Variants in DIAPH3 observed in about 807,000 individuals in gnomAD.
DIAPH3 encodes the protein diaphanous related formin 3.
DIAPH3 carries 117 observed loss-of-function variants against 144.3 expected under a neutral mutation model. The ratio of observed to expected loss-of-function variants is 0.81; its 90% CI spans 0.70 to 0.95. The LOEUF (loss-of-function observed/expected upper bound fraction) is 0.95. Ranked by LOEUF, DIAPH3 falls within the 40% of genes least tolerant of loss-of-function variation. The pLI is 0.00. For synonymous variants in DIAPH3, 519 were observed against 488.9 expected (o/e 1.06, Z -0.81); for missense variants, 1,421 against 1,412.7 (o/e 1.01, Z -0.09).
chr13:59,911,739 A>G lies in DIAPH3; in HGVS notation c.2363T>C (p.Val788Ala). 9 of 1,613,046 alleles carry G rather than the reference A, an allele frequency of 5.6e-6. No homozygotes were observed. Among genetic ancestry groups the G allele is most frequent in the Non-Finnish European group, 7.6e-6 (9 of 1,179,152 alleles). Reference sequence around the variant, plus strand: ...TCTCTGAGACTCGGTACTTACCACAACCACAAACTGCTCAGGTTCACATAA... The same window carrying G: ...TCTCTGAGACTCGGTACTTACCACAGCCACAAACTGCTCAGGTTCACATAA... ...SNLCEPEQFV[V>A]VMSNVKRLRP... Residue 788 changes from valine to alanine, a missense_variant, in exon 20 of 28, where the codon GTT (valine) becomes GCT (alanine). Transcript: ENST00000400324.
intron 11 of DIAPH3, among the ~76,000 whole-genome samples, chr13:59,991,539 T>G (rs1299986730): frequency 6.6e-6 from 1 of 151,940 alleles, no homozygotes; most frequent in Non-Finnish European, 1.5e-5. Flanking sequence ...ACAAAGGTAG[T>G]AGGGAAGCTG....
chr13:59,708,960 G>GT (rs2034577294), intron 27 of DIAPH3, among the ~76,000 whole-genome samples: 1 of 151,944 alleles, frequency 6.6e-6, no homozygotes, highest in South Asian at 2.1e-4. Context: ...CAGGTATCAG[G>GT]ACTATAAAGA....
intron 27 of DIAPH3, among the ~76,000 whole-genome samples, chr13:59,686,439 C>T (rs2033216433): frequency 6.6e-6 from 1 of 151,330 alleles, no homozygotes; most frequent in Non-Finnish European, 1.5e-5. Flanking sequence ...AAATTCGGCT[C>T]ACAGGTGACT....
chr13:59,674,405 C>G (rs1490422305), intron 27 of DIAPH3, among the ~76,000 whole-genome samples: 2 of 152,150 alleles, frequency 1.3e-5, no homozygotes, highest in African/African-American at 4.8e-5. Flanking sequence ...TCCTGGTTAA[C>G]ATGCTCTATC....
intron 12 of DIAPH3, among the ~76,000 whole-genome samples, chr13:59,984,436 T>A (rs977067711): frequency 6.6e-6 from 1 of 151,722 alleles, no homozygotes; most frequent in African/African-American, 2.4e-5. Flanking sequence ...ATAATATTTG[T>A]CCAAAAATCG....
rs1851215790 is a variant in DIAPH3, at chr13:59,861,402, C to A, written c.2737+5G>T. The A allele has an allele frequency of 1.2e-6, 2 of 1,613,534 alleles. No homozygotes were observed. The highest frequency in any genetic ancestry group is 1.7e-5 in the Admixed American group (1 of 59,988). On this transcript the variant is annotated splice_donor_5th_base_variant and intron_variant, in intron 22 of 27. Transcript: ENST00000400324. ...CCATGAAATGTTTCTTAAAAAGGCA[C>A]AAACCTTTACTAGCTTTGTCTAAAG...
chr13:59,870,643 T>C (rs1437404974), intron 21 of DIAPH3, among the ~76,000 whole-genome samples: 1 of 150,358 alleles, frequency 6.7e-6, no homozygotes, highest in Non-Finnish European at 1.5e-5. Flanking sequence ...TCTTCTTTGA[T>C]TTTTTTCAAA....
At chr13:60,144,659 T>C (rs1027403879) in intron 1 of DIAPH3, 2 of 152,228 alleles carry the variant, frequency 1.3e-5, no homozygotes, top group African/African-American at 2.4e-5. Context: ...AGGACATGTA[T>C]GTCTATCTGG....
intron 27 of DIAPH3, among the ~76,000 whole-genome samples, chr13:59,707,324 G>C (rs1566202260): frequency 6.6e-6 from 1 of 152,154 alleles, no homozygotes. Context: ...ATTAAATGTA[G>C]TACGCTGGCA....
chr13:60,032,349 C>A (rs868286948), intron 5 of DIAPH3, among the ~76,000 whole-genome samples: 29 of 152,224 alleles, frequency 1.9e-4, no homozygotes, highest in African/African-American at 7.0e-4. Context: ...ACTACCTTAG[C>A]AGAGGTTCTA....
At chr13:59,952,327 C>G (rs1376935368) in intron 17 of DIAPH3, among the ~76,000 whole-genome samples, 2 of 151,992 alleles carry the variant, frequency 1.3e-5, no homozygotes, top group Non-Finnish European at 2.9e-5. Context: ...TAGATAGAGG[C>G]CGTACTAAAA....
At chr13:59,733,142 A>C (rs1243006228) in intron 27 of DIAPH3, among the ~76,000 whole-genome samples, 3 of 152,196 alleles carry the variant, frequency 2.0e-5, no homozygotes, top group Non-Finnish European at 2.9e-5. Context: ...ACTCACTTAG[A>C]AATGATGTTA....
intron 17 of DIAPH3, among the ~76,000 whole-genome samples, chr13:59,936,419 A>G (rs1321037275): frequency 1.3e-5 from 2 of 152,184 alleles, no homozygotes; most frequent in South Asian, 4.1e-4. Context: ...TCATAACCAA[A>G]GATTTAACTA....
At chr13:59,766,788 CAAA>C (rs11300341) in intron 27 of DIAPH3, among the ~76,000 whole-genome samples, 3 of 139,354 alleles carry the variant, frequency 2.2e-5, no homozygotes, top group African/African-American at 2.6e-5. Flanking sequence ...TCTAGGCTTT[CAAA>C]AAAAAAAAAA....
intron 27 of DIAPH3, 138 bp from the exon 28 acceptor site, chr13:59,666,984 C>T: frequency 9.8e-7 from 1 of 1,024,132 alleles, no homozygotes; most frequent in Non-Finnish European, 1.4e-6. Context: ...AAACAGTCAA[C>T]AGAGTAAGAC....
chr13:59,802,608 T>G (rs1200067877), intron 25 of DIAPH3, among the ~76,000 whole-genome samples: 1 of 144,470 alleles, frequency 6.9e-6, no homozygotes, highest in African/African-American at 2.5e-5. Context: ...ATCTGTCTCT[T>G]AAAATCAAAG....
intron 4 of DIAPH3, among the ~76,000 whole-genome samples, chr13:60,070,788 T>C (rs941592801): frequency 1.3e-5 from 2 of 152,212 alleles, no homozygotes; most frequent in Non-Finnish European, 2.9e-5. Flanking sequence ...ACTAGAAAAT[T>C]GGTATTATAT....
At position 59,775,846 on chromosome 13, in the gene DIAPH3, C is replaced by A. The variant is rs375312848; in HGVS notation, c.3164-1023G>T. Among the ~76,000 whole-genome samples, 7 of 152,192 alleles carry A rather than the reference C, an allele frequency of 4.6e-5. No homozygotes were observed. In the East Asian group the frequency reaches 1.2e-3, roughly 25 times the overall value. On this transcript the variant is annotated intron_variant, in intron 25 of 27. Coordinates refer to ENST00000400324, the MANE Select transcript of DIAPH3 (RefSeq NM_001042517.2). ...TATCCTGTATATAATTAAGGAAATA[C>A]GTGGATATAGAGCCAATTATCTCTA...
chr13:60,097,885 T>G (rs1046238866), intron 3 of DIAPH3, among the ~76,000 whole-genome samples: 4 of 152,126 alleles, frequency 2.6e-5, no homozygotes, highest in Admixed American at 2.6e-4. Context: ...GAATTTCTAT[T>G]TATGGAAAAC....
Sources: allele counts gnomAD v4.1 joint callset (sites outside exome capture counted in the v4.1 genomes callset), GRCh38; gene constraint gnomAD v4.1.1; transcripts MANE v1.5; gene names NCBI Gene and HGNC (gene_info 2026-07-23, HGNC 2026-07-21).